F5: variants seen among roughly 807,000 people sequenced by gnomAD.
F5 encodes coagulation factor V.
F5 carries 138 observed loss-of-function variants against 216.4 expected under a neutral mutation model. The observed-to-expected ratio is 0.64, with a 90% CI of 0.56 to 0.73. The LOEUF (loss-of-function observed/expected upper bound fraction) is 0.73. Among genes scored for constraint, F5 ranks in the 30% least tolerant of loss-of-function variants. The pLI is 0.00. For synonymous variants in F5, 916 were observed against 930.7 expected (o/e 0.98, Z 0.29); for missense variants, 2,403 against 2,674.0 (o/e 0.90, Z 2.24).
rs1388508540 is a variant in F5 at position 169,523,811 on chromosome 1, G to A, written c.5882C>T (p.Pro1961Leu). The change falls in exon 20 of 25, where the codon CCT becomes CTT. Residue 1961 changes from proline (P) to leucine (L), a missense_variant. By Grantham distance (98) the Pro-to-Leu change is moderately conservative. Around this residue, in one of 4 missense-constraint regions of F5, gnomAD observed 659 missense variants for 787.9 expected, o/e 0.84. Coordinates refer to ENST00000367797, the MANE Select transcript of F5 (RefSeq NM_000130.5). ...TCTATTAAGACAAACCTGGATCCAA[G>A]GTTTAGAGGCAAATTCTGCTGCAAG... ...EKLAAEFASKPWIQVDMQKEV... is the reference protein window; with the variant it reads ...EKLAAEFASKLWIQVDMQKEV... 1.2e-6 allele frequency: 2 copies of A among 1,613,106 alleles called. No homozygotes were observed. The highest frequency in any genetic ancestry group is 2.2e-5 in the East Asian group (1 of 44,852).
At position 169,514,330 on chromosome 1, in the gene F5, C is replaced by A. The variant is rs770569683; in HGVS notation, c.6658G>T (p.Gly2220Cys). The change falls in exon 25 of 25, where the codon GGC (glycine) becomes TGC (cysteine). Residue 2220 changes from glycine to cysteine, a missense_variant. This residue lies in a region of F5 where 659 missense variants were observed against 787.9 expected (regional missense o/e 0.84). Coordinates refer to ENST00000367797, the MANE Select transcript of F5 (RefSeq NM_000130.5). ...GTTCAATTCTAGTAAATATCACAGC[C>A]AAAGAGTTCCAGGCGAAGTGCAATA... is the stretch of plus-strand genomic sequence containing the variant. ...QSIALRLELF[G>C]CDIY is the part of the protein sequence containing the mutation. 2.9e-5 allele frequency: 47 copies of A among 1,613,110 alleles called. No homozygotes were observed. Among genetic ancestry groups the A allele is most frequent in the Non-Finnish European group, 3.8e-5 (45 of 1,179,522 alleles).
In F5 at chr1:169,556,882, G is replaced by A; in HGVS notation, c.731-15C>T. 2 of 1,610,610 alleles carry A rather than the reference G, an allele frequency of 1.2e-6. No individual in the cohort carries two copies. The highest frequency in any genetic ancestry group is 1.7e-6 in the Non-Finnish European group (2 of 1,178,216). Reference sequence around the variant, plus strand: ...AACTGTTATATCTGAGAAAGAGGGAGAGACACAGGCCAAAATAAGCATTCA... The same window carrying A: ...AACTGTTATATCTGAGAAAGAGGGAAAGACACAGGCCAAAATAAGCATTCA... On this transcript the variant is annotated splice_polypyrimidine_tract_variant and intron_variant, in intron 5 of 24. Coordinates refer to ENST00000367797, the MANE Select transcript of F5 (RefSeq NM_000130.5).
chr1:169,546,679 C>T, intron 10 of F5, 87 bp from the exon 11 acceptor site: 1 of 1,126,136 alleles, frequency 8.9e-7, no homozygotes, highest in South Asian at 1.2e-5. Flanking sequence ...TAAGGCTGCG[C>T]ACCTACAACT....
At chr1:169,573,597 T>C (rs1052848645) in intron 2 of F5, among the ~76,000 whole-genome samples, 2 of 152,160 alleles carry the variant, frequency 1.3e-5, no homozygotes, top group Admixed American at 1.3e-4. Context: ...GGGTAAATGA[T>C]GTTATTAGTT....
At position 169,586,180 on chromosome 1, in the gene F5, T is replaced by C. The variant is rs367724334; in HGVS notation, c.158+49A>G. ...CAAAGGGAATGTTCTCTAAAAGAAA[T>C]AGATTTTCCTCTCTAGAGAAGCCCA... On this transcript the variant is annotated intron_variant, in intron 1 of 24. Coordinates refer to ENST00000367797, the MANE Select transcript of F5 (RefSeq NM_000130.5). 16 of 1,603,174 alleles carry C rather than the reference T, an allele frequency of 1.0e-5. No individual in the cohort carries two copies. The African/African-American group carries it at 1.9e-4, about 19-fold the overall frequency.
intron 17 of F5, 55 bp downstream of exon 17, chr1:169,527,860 T>A (rs199880700): frequency 3.1e-6 from 5 of 1,596,978 alleles, no homozygotes; most frequent in African/African-American, 1.3e-5. Context: ...GAGTTACAGA[T>A]TGCCTTTTCC....
In F5 at chr1:169,544,402, G is replaced by A. The variant is rs766714365; in HGVS notation, c.1869C>T (p.Thr623=). 17 of 1,614,030 alleles carry A rather than the reference G, an allele frequency of 1.1e-5. No homozygotes were observed. The highest frequency in any genetic ancestry group is 5.0e-5 in the Admixed American group (3 of 60,004). Reference sequence around the variant, plus strand: ...TGAATGAGTGCCCAGTGAAGTGGATGGTCAAAATTTCATTCTGGGTCCCCA... The same window carrying A: ...TGAATGAGTGCCCAGTGAAGTGGATAGTCAAAATTTCATTCTGGGTCCCCA... ...CSVGTQNEIL[T]IHFTGHSFIY... The change falls in exon 12 of 25, where the codon ACC becomes ACT. Residue 623 remains threonine, a synonymous_variant. Transcript: ENST00000367797.
At chr1:169,559,927 C>T (rs1660429762) in intron 4 of F5, among the ~76,000 whole-genome samples, 1 of 151,950 alleles carries the variant, frequency 6.6e-6, no homozygotes, top group African/African-American at 2.4e-5. Flanking sequence ...ATGGTGAGTC[C>T]ATCACGTTAT....
chr1:169,519,687 C>T (rs1659246158), intron 22 of F5, among the ~76,000 whole-genome samples: 1 of 152,160 alleles, frequency 6.6e-6, no homozygotes, highest in Non-Finnish European at 1.5e-5. Context: ...ACAGGTGTGC[C>T]ACGGCAGGTT....
In F5 at chr1:169,557,062, C is replaced by T. The variant is rs4656688; in HGVS notation, c.731-195G>A. Reference sequence around the variant, plus strand: ...TGAGTGACCAGCAAACAAGCAGTGACAACTCATTGTGATAAATGGCATTAT... The same window carrying T: ...TGAGTGACCAGCAAACAAGCAGTGATAACTCATTGTGATAAATGGCATTAT... On this transcript the variant is annotated intron_variant, in intron 5 of 24. Coordinates refer to ENST00000367797, the MANE Select transcript of F5 (RefSeq NM_000130.5). Among the ~76,000 whole-genome samples, 90,837 of 152,016 alleles carry T rather than the reference C, an allele frequency of 0.6. 28,577 individuals carry two copies. The highest frequency in any genetic ancestry group is 0.87 in the East Asian group (4,513 of 5,176).
chr1:169,517,330 T>C (rs767964580), intron 23 of F5, among the ~76,000 whole-genome samples: 1 of 152,188 alleles, frequency 6.6e-6, no homozygotes, highest in East Asian at 1.9e-4. Context: ...TGATTCCATA[T>C]TGGGCCAGAA....
chr1:169,538,890 G>A (rs948534068), intron 13 of F5, among the ~76,000 whole-genome samples: 4 of 152,120 alleles, frequency 2.6e-5, no homozygotes, highest in African/African-American at 9.7e-5. Context: ...ACATCAGTGT[G>A]CTGGTTGTGA....
At chr1:169,545,499 T>G (rs983089560) in intron 11 of F5, among the ~76,000 whole-genome samples, 1 of 152,246 alleles carries the variant, frequency 6.6e-6, no homozygotes, top group African/African-American at 2.4e-5. Context: ...CTATTTCTCT[T>G]TACTTTTTAA....
chr1:169,528,138 CAGAG>C (rs2101809813), intron 16 of F5, 44 bp from the exon 17 acceptor site: 1 of 1,609,888 alleles, frequency 6.2e-7, no homozygotes, highest in Non-Finnish European at 8.5e-7. Context: ...TCTGTTGACA[CAGAG>C]AGGGCGAGTG....
rs1660292767 is a variant in F5, at chr1:169,555,302, G to C, written c.998C>G (p.Thr333Ser). 2 of 1,613,880 alleles carry C rather than the reference G, an allele frequency of 1.2e-6. No homozygotes were observed. Among genetic ancestry groups the C allele is most frequent in the Non-Finnish European group, 1.7e-6 (2 of 1,179,988 alleles). Residue 333 changes from threonine (T) to serine (S), a missense_variant, in exon 7 of 25, where the codon ACC becomes AGC. Physicochemically the swap from Thr to Ser is moderately conservative, Grantham distance 58 (BLOSUM62 1). Transcript: ENST00000367797. The part of the protein sequence containing the change: ...YIDIKNCPKK[T>S]RNLKKITREQ... ...ACGAGTTATTTTCTTAAGATTCCTG[G>C]TTTTCTTTGGGCAGTTTTTAATGTC...
At chr1:169,586,125 A>T in intron 1 of F5, 104 bp downstream of exon 1, 1 of 1,327,048 alleles carries the variant, frequency 7.5e-7, no homozygotes, top group Non-Finnish European at 1.1e-6. Flanking sequence ...TACTTACCTG[A>T]AGTTAAAAAA....
chr1:169,559,899 G>A (rs1029754552), intron 4 of F5, among the ~76,000 whole-genome samples: 1 of 74,894 alleles, frequency 1.3e-5, no homozygotes, highest in Non-Finnish European at 2.2e-5. Flanking sequence ...TATGGCCTGA[G>A]CGTGTATGTA....
chr1:169,526,076 A>G, intron 17 of F5, 59 bp from the exon 18 acceptor site: 2 of 1,160,798 alleles, frequency 1.7e-6, no homozygotes, highest in Non-Finnish European at 2.6e-6. Context: ...ATTGTGGTTG[A>G]TAGTTCTCTA....
chr1:169,560,732 C>T lies in F5; in HGVS notation c.408G>A (p.Glu136=). 1 of 1,612,798 alleles carries T rather than the reference C, an allele frequency of 6.2e-7. No homozygotes were observed. The highest frequency in any genetic ancestry group is 8.5e-7 in the Non-Finnish European group (1 of 1,179,612). ...CTGGAGCCACAGCGTCGTCCATCTT[C>T]TCCGCAGGGAATGTGTGGTCAAGGT... ...ASYLDHTFPA[E]KMDDAVAPGR... is the part of the protein sequence containing the mutation. The change falls in exon 4 of 25, where the codon GAG becomes GAA. Residue 136 remains glutamate (E), a synonymous_variant. Coordinates refer to ENST00000367797, the MANE Select transcript of F5 (RefSeq NM_000130.5).
Sources: allele counts gnomAD v4.1 joint callset (sites outside exome capture counted in the v4.1 genomes callset), GRCh38; gene constraint gnomAD v4.1.1; regional missense constraint gnomAD v4.1.1; transcripts MANE v1.5; gene names NCBI Gene and HGNC (gene_info 2026-07-23, HGNC 2026-07-21).